The following LSM14A variants were observed in gnomAD, a reference collection of about 807,000 sequenced individuals.
LSM14A encodes protein LSM14 homolog A.
LSM14A carries 14 observed loss-of-function variants against 52.4 expected under a neutral mutation model. The observed-to-expected ratio is 0.27, with a 90% CI of 0.18 to 0.42. The LOEUF is 0.42. Ranked by LOEUF, LSM14A falls within the 10% of genes least tolerant of loss-of-function variation. The pLI is 1.00. For synonymous variants in LSM14A, 185 were observed against 200.3 expected, an observed-to-expected ratio of 0.92 and a Z score of 0.64; for missense variants, 417 against 581.8, an observed-to-expected ratio of 0.72 and a Z score of 2.91.
At position 34,226,110 on chromosome 19, in the gene LSM14A, G is replaced by T. The variant is rs545651987; in HGVS notation, c.1369-1255G>T. ...ATATAACCTTATGGTAAGTTTGGTT[G>T]TATGGTGTTTTCCCCCTCCCACCGC... On this transcript the variant is annotated intron_variant, in intron 9 of 9. Coordinates refer to ENST00000544216, the MANE Select transcript of LSM14A (RefSeq NM_015578.4). Among the ~76,000 whole-genome samples the T allele has an allele frequency of 1.2e-3, 180 of 152,008 alleles. 1 individual carries two copies. The highest frequency in any genetic ancestry group is 4.1e-3 in the African/African-American group (172 of 41,510).
chr19:34,175,411 T>C (rs770275782), intron 1 of LSM14A, among the ~76,000 whole-genome samples: 2 of 152,056 alleles, frequency 1.3e-5, no homozygotes, highest in Non-Finnish European at 2.9e-5. Context: ...TTGTATTTTT[T>C]AGTTGAGACA....
intron 1 of LSM14A, among the ~76,000 whole-genome samples, chr19:34,186,599 G>C (rs1022624591): frequency 6.6e-6 from 1 of 152,126 alleles, no homozygotes; most frequent in Admixed American, 6.5e-5. Flanking sequence ...AAACCTGACC[G>C]ATACCTGGAA....
At chr19:34,207,395 A>T (rs1014481843) in intron 3 of LSM14A, among the ~76,000 whole-genome samples, 9 of 152,162 alleles carry the variant, frequency 5.9e-5, no homozygotes, top group Non-Finnish European at 5.9e-5. Flanking sequence ...GCTAGTCCCC[A>T]CATTACCGGG....
At chr19:34,222,543 G>T (rs1232957318) in intron 9 of LSM14A, among the ~76,000 whole-genome samples, 1 of 152,188 alleles carries the variant, frequency 6.6e-6, no homozygotes, top group Non-Finnish European at 1.5e-5. Flanking sequence ...CCAAAATCTT[G>T]TAAAGAGTTC....
intron 1 of LSM14A, among the ~76,000 whole-genome samples, chr19:34,178,171 A>C (rs1487629010): frequency 3.8e-5 from 5 of 132,084 alleles, no homozygotes; most frequent in African/African-American, 1.5e-4. Context: ...AAAAAAAAAA[A>C]AAACACAAAA....
At position 34,215,657 on chromosome 19, in the gene LSM14A, A is replaced by C. The variant is rs776622123; in HGVS notation, c.777A>C (p.Gln259His). The change falls in exon 6 of 10, where the codon CAA (glutamine) becomes CAC (histidine). Residue 259 changes from glutamine to histidine, a missense_variant. By Grantham distance (24) the Gln-to-His change is conservative. Coordinates refer to ENST00000544216, the MANE Select transcript of LSM14A (RefSeq NM_015578.4). ...NEQLRNDNKR[Q>H]VAPGAPSAPR... ...AACTCAGAAATGATAACAAGAGACA[A>C]GTAGGTAAGTTCTTGGATCTAAAAG... 3.7e-6 allele frequency: 6 copies of C among 1,609,292 alleles called. No homozygotes were observed. The highest frequency in any genetic ancestry group is 4.3e-6 in the Non-Finnish European group (5 of 1,175,906).
intron 9 of LSM14A, among the ~76,000 whole-genome samples, chr19:34,226,910 G>T (rs1281350254): frequency 6.6e-6 from 1 of 152,134 alleles, no homozygotes; most frequent in Non-Finnish European, 1.5e-5. Flanking sequence ...CTTCCTCCTG[G>T]CATGAAATTT....
At chr19:34,200,705 T>C (rs991981272) in intron 3 of LSM14A, among the ~76,000 whole-genome samples, 2 of 152,190 alleles carry the variant, frequency 1.3e-5, no homozygotes, top group Admixed American at 6.5e-5. Context: ...AGACTTACTT[T>C]AGGTGAAATA....
chr19:34,190,231 T>A (rs1325866679), intron 1 of LSM14A, among the ~76,000 whole-genome samples: 1 of 152,194 alleles, frequency 6.6e-6, no homozygotes, highest in African/African-American at 2.4e-5. Context: ...TGGAATTTGT[T>A]CTTCACAATA....
At chr19:34,178,015 T>C (rs1296831073) in intron 1 of LSM14A, among the ~76,000 whole-genome samples, 1 of 151,630 alleles carries the variant, frequency 6.6e-6, no homozygotes, top group African/African-American at 2.4e-5. Flanking sequence ...ACAAAAATTA[T>C]CTGGGCGTGC....
chr19:34,199,632 G>C (rs1025891247), intron 3 of LSM14A, among the ~76,000 whole-genome samples: 9 of 152,086 alleles, frequency 5.9e-5, no homozygotes, highest in African/African-American at 1.9e-4. Flanking sequence ...TTATTTCCTA[G>C]CTCTGTTCGT....
chr19:34,172,597 G>C lies in LSM14A; in HGVS notation c.-46G>C. The C allele has an allele frequency of 6.6e-7, 1 of 1,516,196 alleles. No homozygotes were observed. The allele number at this position is 1,516,196 out of a possible 1,614,324, so 93.9% of individuals were successfully genotyped here. Reference sequence around the variant, plus strand: ...CGTGCGGAGCGGGCGACAGTGGCGTGGGATCTGCCTCTCTGCGAGCAGCTG... The same window carrying C: ...CGTGCGGAGCGGGCGACAGTGGCGTCGGATCTGCCTCTCTGCGAGCAGCTG... On this transcript the variant is annotated 5_prime_UTR_variant, in exon 1 of 10. Transcript: ENST00000544216.
chr19:34,195,512 A>G (rs563135877), intron 2 of LSM14A, among the ~76,000 whole-genome samples: 14 of 152,250 alleles, frequency 9.2e-5, no homozygotes, highest in African/African-American at 2.4e-4. Flanking sequence ...ACAAACATCA[A>G]TGTATTTTAA....
At chr19:34,186,257 G>A (rs936878991) in intron 1 of LSM14A, among the ~76,000 whole-genome samples, 1 of 152,106 alleles carries the variant, frequency 6.6e-6, no homozygotes, top group African/African-American at 2.4e-5. Context: ...CAGCCCAGGT[G>A]GAGTTGGGTG....
intron 3 of LSM14A, among the ~76,000 whole-genome samples, chr19:34,207,982 G>A (rs936630387): frequency 1.3e-5 from 2 of 152,112 alleles, no homozygotes; most frequent in Non-Finnish European, 2.9e-5. Context: ...AATTGCAAGG[G>A]GCATGATTGT....
In LSM14A at chr19:34,191,254, GCTAT is replaced by G. The variant is rs139121612; in HGVS notation, c.122-3221_122-3218del. Among the ~76,000 whole-genome samples the G allele has an allele frequency of 3.6e-3, 543 of 152,012 alleles. 1 individual carries two copies. The highest frequency in any genetic ancestry group is 0.013 in the African/African-American group (522 of 41,512). On this transcript the variant is annotated intron_variant, in intron 1 of 9. Transcript: ENST00000544216. ...TGTTGTTTTGATCATAAAAGTCTAT[GCTAT>G]CTGTTTTTCTTGTGAATGTCGAAGC...
At chr19:34,190,170 T>G (rs2070254532) in intron 1 of LSM14A, among the ~76,000 whole-genome samples, 1 of 152,166 alleles carries the variant, frequency 6.6e-6, no homozygotes, top group Non-Finnish European at 1.5e-5. Flanking sequence ...GACTTCTCAT[T>G]TGTTCTGTAA....
Position 34,217,311 on chromosome 19 carries a change from A to G in LSM14A, c.781+1650A>G, listed in dbSNP as rs147616530. ...GATCCTGTTTTTGAATCAGTTGTTT[A>G]AGAGCTGTAGTTTTCTTTTATGATT... On this transcript the variant is annotated intron_variant, in intron 6 of 9. Coordinates refer to ENST00000544216, the MANE Select transcript of LSM14A (RefSeq NM_015578.4). Among the ~76,000 whole-genome samples, 432 of 151,390 alleles carry G rather than the reference A, an allele frequency of 2.9e-3. 4 individuals are homozygous for G. The highest frequency in any genetic ancestry group is 9.8e-3 in the African/African-American group (406 of 41,368).
intron 9 of LSM14A, chr19:34,226,278 A>G: frequency 1.0e-6 from 1 of 971,002 alleles, no homozygotes; most frequent in Non-Finnish European, 1.5e-6. Flanking sequence ...GATGGGGTTC[A>G]AAGACAACAA....
Sources: allele counts gnomAD v4.1 joint callset (sites outside exome capture counted in the v4.1 genomes callset), GRCh38; gene constraint gnomAD v4.1.1; transcripts MANE v1.5; gene names NCBI Gene and HGNC (gene_info 2026-07-23, HGNC 2026-07-21).